The following PID1 variants were observed in gnomAD, a reference collection of about 807,000 sequenced individuals.
The protein encoded by PID1 is PTB-containing, cubilin and LRP1-interacting protein.
A neutral mutation model predicts 19.1 loss-of-function variants in PID1; 10 were observed. The ratio of observed to expected loss-of-function variants is 0.52; its 90% confidence interval spans 0.32 to 0.89. The LOEUF is 0.89. PID1 is among the 40% of genes least tolerant of loss of function. PID1 has a pLI of 0.03. For missense variants in PID1, 248 were observed against 285.3 expected, an observed-to-expected ratio of 0.87 and a Z score of 0.94; for synonymous variants, 130 against 116.0, an observed-to-expected ratio of 1.12 and a Z score of -0.78.
At chr2:229,044,682 G>A (rs992818382) in intron 2 of PID1, among the ~76,000 whole-genome samples, 3 of 152,064 alleles carry the variant, frequency 2.0e-5, no homozygotes, top group East Asian at 1.9e-4. Flanking sequence ...TCACAGCCTC[G>A]CTCTGCCCCT....
intron 2 of PID1, among the ~76,000 whole-genome samples, chr2:229,142,896 C>T (rs1017004146): frequency 4.0e-5 from 6 of 151,196 alleles, no homozygotes; most frequent in Non-Finnish European, 5.9e-5. Context: ...CACATGCACA[C>T]GTATGTTTAT....
chr2:229,109,059 G>C (rs1468877622), intron 2 of PID1, among the ~76,000 whole-genome samples: 1 of 152,158 alleles, frequency 6.6e-6, no homozygotes, highest in Admixed American at 6.5e-5. Flanking sequence ...CAAAGCTCTA[G>C]AAATGAAATA....
chr2:229,268,556 C>T (rs372752000), intron 1 of PID1, among the ~76,000 whole-genome samples: 11 of 152,132 alleles, frequency 7.2e-5, no homozygotes, highest in South Asian at 6.2e-4. Context: ...GTTTCCTTGA[C>T]GAATTTTCTT....
intron 2 of PID1, among the ~76,000 whole-genome samples, chr2:229,053,277 T>C (rs944236422): frequency 3.3e-5 from 5 of 152,212 alleles, no homozygotes; most frequent in African/African-American, 1.2e-4. Flanking sequence ...ACAGTTTCAT[T>C]TGAATTCCAC....
intron 2 of PID1, among the ~76,000 whole-genome samples, chr2:229,098,324 A>C (rs891231913): frequency 1.3e-5 from 2 of 152,232 alleles, no homozygotes; most frequent in Non-Finnish European, 2.9e-5. Flanking sequence ...GTACAAAGCA[A>C]AAGATAAAAG....
intron 1 of PID1, among the ~76,000 whole-genome samples, chr2:229,190,866 A>G (rs1049193658): frequency 6.6e-6 from 1 of 152,250 alleles, no homozygotes; most frequent in Non-Finnish European, 1.5e-5. Context: ...AACAGGGACC[A>G]CATCACCCCC....
At chr2:229,205,569 CA>C (rs531137476) in intron 1 of PID1, among the ~76,000 whole-genome samples, 2 of 151,972 alleles carry the variant, frequency 1.3e-5, no homozygotes, top group African/African-American at 4.8e-5. Context: ...CACACACACA[CA>C]AAACCCAAAT....
chr2:229,135,114 G>A (rs1194593993), intron 2 of PID1, among the ~76,000 whole-genome samples: 1 of 152,144 alleles, frequency 6.6e-6, no homozygotes, highest in Non-Finnish European at 1.5e-5. Flanking sequence ...AGGGAATGAT[G>A]GAGGGAAGAA....
chr2:229,094,054 C>T (rs1694927690), intron 2 of PID1, among the ~76,000 whole-genome samples: 1 of 152,214 alleles, frequency 6.6e-6, no homozygotes, highest in African/African-American at 2.4e-5. Context: ...CCTAATGACT[C>T]CTCTCCAAAA....
chr2:229,136,586 A>G (rs1204811291), intron 2 of PID1, among the ~76,000 whole-genome samples: 2 of 152,246 alleles, frequency 1.3e-5, no homozygotes. Flanking sequence ...TTACCTACAT[A>G]TGAAAATAAC....
At chr2:229,175,992 C>A (rs543833588) in intron 1 of PID1, among the ~76,000 whole-genome samples, 45 of 152,302 alleles carry the variant, frequency 3.0e-4, no homozygotes, top group Admixed American at 3.9e-4. Flanking sequence ...CACAGGCTCC[C>A]TGCACTTATT....
chr2:229,157,430 C>T (rs1347579223), intron 1 of PID1, among the ~76,000 whole-genome samples: 5 of 125,160 alleles, frequency 4.0e-5, no homozygotes, highest in Admixed American at 1.7e-4. Flanking sequence ...GATTCCATCT[C>T]AAAAAAAAAA....
chr2:229,075,260 T>C (rs1333032136), intron 2 of PID1, among the ~76,000 whole-genome samples: 2 of 152,236 alleles, frequency 1.3e-5, no homozygotes, highest in African/African-American at 4.8e-5. Flanking sequence ...CTTATCATTC[T>C]TGCACCATGG....
chr2:229,093,584 A>T lies in PID1; in HGVS notation c.177+62234T>A, dbSNP rs577125927. 3.3e-5 allele frequency among the ~76,000 whole-genome samples: 5 copies of T among 152,304 alleles called. 1 individual carries two copies. In the South Asian group the frequency reaches 1.0e-3, roughly 32 times the overall value. Reference sequence around the variant, plus strand: ...AGATCTTGGTTGAGCTTATCCATGTATGTGTGCATCGGCTGAGGGCTCTGG... The same window carrying T: ...AGATCTTGGTTGAGCTTATCCATGTTTGTGTGCATCGGCTGAGGGCTCTGG... On this transcript the variant is annotated intron_variant, in intron 2 of 2. Coordinates refer to ENST00000392055, the MANE Select transcript of PID1 (RefSeq NM_001100818.2).
chr2:229,086,280 G>A (rs1434706108), intron 2 of PID1, among the ~76,000 whole-genome samples: 3 of 152,042 alleles, frequency 2.0e-5, no homozygotes, highest in African/African-American at 4.8e-5. Flanking sequence ...ACTGGACAGC[G>A]TAACTTAGCC....
At chr2:229,247,445 G>C (rs569545873) in intron 1 of PID1, among the ~76,000 whole-genome samples, 1 of 152,280 alleles carries the variant, frequency 6.6e-6, no homozygotes, top group South Asian at 2.1e-4. Context: ...AGATATCCCT[G>C]CTTATGTCCC....
chr2:229,095,891 T>A (rs1332227554), intron 2 of PID1, among the ~76,000 whole-genome samples: 7 of 152,166 alleles, frequency 4.6e-5, no homozygotes, highest in African/African-American at 7.2e-5. Context: ...CTGGATTTGG[T>A]TCTACTCAAT....
intron 1 of PID1, among the ~76,000 whole-genome samples, chr2:229,265,161 G>T (rs1210539192): frequency 2.0e-5 from 3 of 151,756 alleles, no homozygotes; most frequent in African/African-American, 4.8e-5. Flanking sequence ...TTACCCAAAT[G>T]ATTTCTTATT....
rs576608871 is a variant in PID1, at chr2:229,162,461, T to C, written c.31-6497A>G. On this transcript the variant is annotated intron_variant, in intron 1 of 2. Transcript: ENST00000392055. ...ACTACCCATATTTAGAGGGAAGGCATTAAGATTTTAATCTTCGGTTGATCC... is the reference window on the plus strand; with the variant it reads ...ACTACCCATATTTAGAGGGAAGGCACTAAGATTTTAATCTTCGGTTGATCC... 7.9e-5 allele frequency among the ~76,000 whole-genome samples: 12 copies of C among 152,370 alleles called. No individual in the cohort carries two copies. The East Asian group carries it at 2.3e-3, about 29-fold the overall frequency.
Sources: allele counts gnomAD v4.1 joint callset (sites outside exome capture counted in the v4.1 genomes callset), GRCh38; gene constraint gnomAD v4.1.1; transcripts MANE v1.5; gene names NCBI Gene and HGNC (gene_info 2026-07-23, HGNC 2026-07-21).